Variants in CRY1 observed in about 807,000 individuals in gnomAD.
CRY1 encodes cryptochrome-1.
A neutral mutation model predicts 76.0 loss-of-function variants in CRY1; 45 were observed. The observed-to-expected ratio is 0.59, with a 90% CI of 0.47 to 0.76. The LOEUF is 0.76. Among genes scored for constraint, CRY1 ranks in the 30% least tolerant of loss-of-function variants. The pLI, the probability that CRY1 is intolerant of heterozygous loss-of-function variation, is 0.00. For missense variants in CRY1, 587 were observed against 716.4 expected, an observed-to-expected ratio of 0.82 and a Z score of 2.06; for synonymous variants, 248 against 244.0, an observed-to-expected ratio of 1.02 and a Z score of -0.15.
In CRY1 at chr12:107,091,103, G is replaced by C. The variant is rs376081067; in HGVS notation, c.158+1701C>G. On this transcript the variant is annotated intron_variant, in intron 1 of 12. Transcript: ENST00000008527. The stretch of plus-strand genomic sequence containing the variant: ...CACTCAGGCTGGAGTGCAGTGGCAC[G>C]ATCTCAGCTCACTGCAACCTCCGTC... 4.7e-3 allele frequency among the ~76,000 whole-genome samples: 715 copies of C among 151,612 alleles called. 7 individuals are homozygous for C. The highest frequency in any genetic ancestry group is 0.016 in the African/African-American group (675 of 41,280).
At chr12:107,059,774 G>A (rs1027286528) in intron 1 of CRY1, among the ~76,000 whole-genome samples, 3 of 150,132 alleles carry the variant, frequency 2.0e-5, no homozygotes, top group Non-Finnish European at 4.5e-5. Context: ...AAAACAAAAT[G>A]AATCTACACA....
chr12:106,998,208 C>G (rs895063052), intron 7 of CRY1, 142 bp from the exon 8 acceptor site: 2 of 892,300 alleles, frequency 2.2e-6, no homozygotes, highest in Admixed American at 4.9e-5. Context: ...GTTAGCTTCC[C>G]TATGTTCTGT....
chr12:107,059,019 C>T lies in CRY1; in HGVS notation c.158+33785G>A, dbSNP rs114720930. Reference sequence around the variant, plus strand: ...CCTATTTCCTCATCTAATAAGTGGACGAAATCAGTGACATTCAAACTTTCT... The same window carrying T: ...CCTATTTCCTCATCTAATAAGTGGATGAAATCAGTGACATTCAAACTTTCT... On this transcript the variant is annotated intron_variant, in intron 1 of 12. Transcript: ENST00000008527. 1.9e-3 allele frequency among the ~76,000 whole-genome samples: 285 copies of T among 152,200 alleles called. 1 individual carries two copies. The highest frequency in any genetic ancestry group is 5.9e-3 in the African/African-American group (247 of 41,532).
At chr12:107,022,838 T>A (rs1952573353) in intron 1 of CRY1, among the ~76,000 whole-genome samples, 1 of 146,650 alleles carries the variant, frequency 6.8e-6, no homozygotes, top group East Asian at 2.0e-4. Context: ...AATGCCAGAT[T>A]AACTTCTAAA....
chr12:107,017,840 C>T (rs1952513506), intron 2 of CRY1, among the ~76,000 whole-genome samples: 1 of 152,166 alleles, frequency 6.6e-6, no homozygotes, highest in Non-Finnish European at 1.5e-5. Flanking sequence ...GCTCAAATGT[C>T]ACCTTATCAG....
At chr12:107,058,817 C>G (rs1251980001) in intron 1 of CRY1, among the ~76,000 whole-genome samples, 3 of 152,184 alleles carry the variant, frequency 2.0e-5, no homozygotes, top group Admixed American at 6.5e-5. Context: ...AATAAGGATT[C>G]TAATACCAAT....
intron 1 of CRY1, among the ~76,000 whole-genome samples, chr12:107,052,056 T>C (rs2136876432): frequency 6.6e-6 from 1 of 152,296 alleles, no homozygotes; most frequent in Non-Finnish European, 1.5e-5. Context: ...TGACCTATGA[T>C]ATAAATTGTA....
At chr12:107,081,065 T>G (rs936739868) in intron 1 of CRY1, among the ~76,000 whole-genome samples, 26 of 151,982 alleles carry the variant, frequency 1.7e-4, no homozygotes, top group Non-Finnish European at 3.7e-4. Context: ...AAGAAGAAAC[T>G]CGTTTTGAAA....
chr12:107,026,606 A>C (rs937448831), intron 1 of CRY1, among the ~76,000 whole-genome samples: 14 of 152,108 alleles, frequency 9.2e-5, no homozygotes, highest in Admixed American at 6.5e-5. Flanking sequence ...TGCCTTGTAT[A>C]ATTTGTTGAA....
At chr12:107,076,636 C>A (rs1210194214) in intron 1 of CRY1, among the ~76,000 whole-genome samples, 3 of 147,776 alleles carry the variant, frequency 2.0e-5, no homozygotes, top group Non-Finnish European at 3.0e-5. Context: ...AAAAAAAAAA[C>A]CTCTCTTTTC....
chr12:107,012,281 C>T (rs1952453449), intron 2 of CRY1, among the ~76,000 whole-genome samples: 1 of 152,214 alleles, frequency 6.6e-6, no homozygotes, highest in Non-Finnish European at 1.5e-5. Flanking sequence ...TAGCTGGTGA[C>T]TTTAAGTTGA....
chr12:106,996,055 G>A (rs1398975397), intron 10 of CRY1, among the ~76,000 whole-genome samples: 3 of 152,012 alleles, frequency 2.0e-5, no homozygotes, highest in African/African-American at 7.3e-5. Flanking sequence ...TGTTGGTCAG[G>A]GGCTGGTCTC....
chr12:107,046,422 C>G (rs1375473315), intron 1 of CRY1, among the ~76,000 whole-genome samples: 1 of 151,980 alleles, frequency 6.6e-6, no homozygotes, highest in Non-Finnish European at 1.5e-5. Flanking sequence ...AGAATAAAAA[C>G]TTACAACTAC....
intron 10 of CRY1, among the ~76,000 whole-genome samples, chr12:106,994,467 T>C (rs1404679561): frequency 6.6e-6 from 1 of 152,200 alleles, no homozygotes; most frequent in African/African-American, 2.4e-5. Flanking sequence ...CACCCCCATT[T>C]ATACTTAAGT....
intron 1 of CRY1, among the ~76,000 whole-genome samples, chr12:107,088,582 T>G (rs1409306676): frequency 6.6e-6 from 1 of 152,218 alleles, no homozygotes; most frequent in Non-Finnish European, 1.5e-5. Context: ...GCAGAGACAC[T>G]GAATCTGCTG....
Position 107,026,604 on chromosome 12 carries a change from A to G in CRY1, c.159-4412T>C, listed in dbSNP as rs1952618806. Among the ~76,000 whole-genome samples, 4 of 152,218 alleles carry G rather than the reference A, an allele frequency of 2.6e-5. No individual in the cohort carries two copies. The South Asian group carries it at 8.3e-4, about 32-fold the overall frequency. On this transcript the variant is annotated intron_variant, in intron 1 of 12. Transcript: ENST00000008527. Reference sequence around the variant, plus strand: ...AAACAAATCTCATTATGTGCCTTGTATAATTTGTTGAAAAGATTAGAAACA... The same window carrying G: ...AAACAAATCTCATTATGTGCCTTGTGTAATTTGTTGAAAAGATTAGAAACA...
chr12:107,085,938 C>T (rs1953395022), intron 1 of CRY1, among the ~76,000 whole-genome samples: 1 of 151,964 alleles, frequency 6.6e-6, no homozygotes, highest in Admixed American at 6.6e-5. Context: ...TTTTTAGAGA[C>T]TGGTTAAGAG....
chr12:107,087,658 TCTGC>T (rs1953419229), intron 1 of CRY1, among the ~76,000 whole-genome samples: 2 of 152,240 alleles, frequency 1.3e-5, no homozygotes, highest in Non-Finnish European at 2.9e-5. Flanking sequence ...CTATAAGGAA[TCTGC>T]CTTGAGTCTC....
intron 1 of CRY1, among the ~76,000 whole-genome samples, chr12:107,026,718 G>A (rs1952620198): frequency 6.6e-6 from 1 of 150,980 alleles, no homozygotes; most frequent in Non-Finnish European, 1.5e-5. Flanking sequence ...TCTAGCACAT[G>A]GTAGATATGT....
Sources: allele counts gnomAD v4.1 joint callset (sites outside exome capture counted in the v4.1 genomes callset), GRCh38; gene constraint gnomAD v4.1.1; transcripts MANE v1.5; gene names NCBI Gene and HGNC (gene_info 2026-07-23, HGNC 2026-07-21).